Variants in PDE1A observed in about 807,000 individuals in gnomAD.
PDE1A encodes the protein dual specificity calcium/calmodulin-dependent 3',5'-cyclic nucleotide phosphodiesterase 1A.
Under a neutral mutation model 61.7 loss-of-function variants are expected in PDE1A, and 35 were observed. The ratio of observed to expected loss-of-function variants is 0.57; its 90% CI spans 0.43 to 0.75. The LOEUF (loss-of-function observed/expected upper bound fraction) is 0.75, where lower values mean the gene tolerates loss of function less well. PDE1A is among the 30% of genes least tolerant of loss of function. PDE1A has a pLI of 0.00. For missense variants in PDE1A, 597 were observed against 630.6 expected, an observed-to-expected ratio of 0.95 and a Z score of 0.57; for synonymous variants, 232 against 213.2, an observed-to-expected ratio of 1.09 and a Z score of -0.77.
intron 2 of PDE1A, among the ~76,000 whole-genome samples, chr2:182,513,750 A>G (rs537471641): frequency 3.3e-5 from 5 of 152,368 alleles, no homozygotes; most frequent in Admixed American, 2.6e-4. Flanking sequence ...GGGATGGAGT[A>G]AGATCTATCA....
At chr2:182,522,299 T>G (rs777709697) in exon 2 of PDE1A, 2 of 1,613,536 alleles carry the variant, frequency 1.2e-6, no homozygotes, top group Non-Finnish European at 1.7e-6. Flanking sequence ...GCTGCCACAT[T>G]TTTTCAGTCT....
At chr2:182,648,682 A>C in the PDE1A span, among the ~76,000 whole-genome samples, 1 of 150,612 alleles carries the variant, frequency 6.6e-6, no homozygotes. Flanking sequence ...CCTGGGTGGC[A>C]GAGCAAGACC....
chr2:182,556,097 G>A, the PDE1A span, among the ~76,000 whole-genome samples: 1 of 151,468 alleles, frequency 6.6e-6, no homozygotes, highest in Non-Finnish European at 1.5e-5. Context: ...AAAACTCATT[G>A]GAAGACAATC....
At chr2:182,472,188 C>T (rs1574740929) in intron 2 of PDE1A, among the ~76,000 whole-genome samples, 2 of 151,832 alleles carry the variant, frequency 1.3e-5, no homozygotes, top group East Asian at 3.9e-4. Flanking sequence ...CCATATGATT[C>T]AGCAGTCTCA....
the PDE1A span, among the ~76,000 whole-genome samples, chr2:182,664,545 T>C: frequency 5.9e-5 from 9 of 152,276 alleles, no homozygotes; most frequent in African/African-American, 2.2e-4. Flanking sequence ...TGAATACAAA[T>C]GTGATTAAAA....
intron 1 of PDE1A, among the ~76,000 whole-genome samples, chr2:182,380,121 T>TG (rs1700641792): frequency 6.8e-6 from 1 of 146,140 alleles, no homozygotes; most frequent in African/African-American, 2.5e-5. Context: ...TTTTTTTTTT[T>TG]TTTTTTTGAG....
At chr2:182,240,034 T>C (rs1164113173) in intron 3 of PDE1A, 76 bp downstream of exon 3, 3 of 1,322,776 alleles carry the variant, frequency 2.3e-6, no homozygotes, top group Admixed American at 3.6e-5. Context: ...TATAGACTGC[T>C]CATACCCTTG....
chr2:182,242,836 T>C lies in PDE1A; in HGVS notation c.168-2544A>G, dbSNP rs117207158. Among the ~76,000 whole-genome samples, 179 of 151,472 alleles carry C rather than the reference T, an allele frequency of 1.2e-3. 2 individuals are homozygous for C. In the East Asian group the frequency reaches 0.034, roughly 29 times the overall value. ...CAGCACCAATAATCACATGAGCCCA[T>C]TCCTTAAAATACGTATCTCGCTCTC... On this transcript the variant is annotated intron_variant, in intron 2 of 13. Transcript: ENST00000351439.
rs189996256 is a variant in PDE1A at position 182,386,344 on chromosome 2, C to T, written c.53+40234G>A. Among the ~76,000 whole-genome samples, 1,199 of 150,804 alleles carry T rather than the reference C, an allele frequency of 8.0e-3. 7 individuals carry two copies. Among genetic ancestry groups the T allele is most frequent in the South Asian group, 0.019 (89 of 4,728 alleles). On this transcript the variant is annotated intron_variant, in intron 1 of 13. Transcript: ENST00000351439. ...TGAGGATCCCCTCTGCCCGGCTGCC[C>T]AGTCTGGGAAGTGAGGAGCGCCTCT...
intron 1 of PDE1A, among the ~76,000 whole-genome samples, chr2:182,373,856 A>T (rs1039225354): frequency 2.6e-5 from 4 of 152,226 alleles, no homozygotes; most frequent in Non-Finnish European, 5.9e-5. Context: ...AAATGTTATT[A>T]ATATCACAGG....
At chr2:182,490,987 G>C (rs1688354153) in intron 2 of PDE1A, among the ~76,000 whole-genome samples, 1 of 152,098 alleles carries the variant, frequency 6.6e-6, no homozygotes. Flanking sequence ...AAGCATCTGA[G>C]GTTTGAGGAG....
chr2:182,372,390 C>T (rs144820261), intron 1 of PDE1A, among the ~76,000 whole-genome samples: 1 of 152,000 alleles, frequency 6.6e-6, no homozygotes, highest in Admixed American at 6.5e-5. Context: ...TAATTGTGAT[C>T]ATTTTATCTA....
rs548549039 is a variant in PDE1A, at chr2:182,193,216, G to A, written c.1126-4156C>T. ...TTGGCCAGGTTGGTCTCGAACTCCT[G>A]ACCTTGTGATCCGTCTGCTCCAGCC... On this transcript the variant is annotated intron_variant, in intron 10 of 13. Transcript: ENST00000351439. Among the ~76,000 whole-genome samples, 6 of 152,170 alleles carry A rather than the reference G, an allele frequency of 3.9e-5. No homozygotes were observed. The East Asian group carries it at 1.2e-3, about 29-fold the overall frequency.
chr2:182,213,046 C>T (rs1164589418), intron 7 of PDE1A, among the ~76,000 whole-genome samples: 2 of 149,948 alleles, frequency 1.3e-5, no homozygotes, highest in African/African-American at 4.9e-5. Flanking sequence ...AGCAGTGGTT[C>T]TCCCAGCATG....
the PDE1A span, among the ~76,000 whole-genome samples, chr2:182,695,730 A>G: frequency 4.6e-5 from 7 of 151,996 alleles, no homozygotes; most frequent in African/African-American, 2.4e-5. Flanking sequence ...ATAAGCCACA[A>G]CTGGGAGGAA....
intron 2 of PDE1A, among the ~76,000 whole-genome samples, chr2:182,449,839 A>G (rs1362281246): frequency 1.3e-5 from 2 of 152,012 alleles, no homozygotes; most frequent in African/African-American, 2.4e-5. Flanking sequence ...AATAATAACT[A>G]CTACATAGGG....
chr2:182,618,375 TATA>T, the PDE1A span, among the ~76,000 whole-genome samples: 1 of 152,172 alleles, frequency 6.6e-6, no homozygotes, highest in Admixed American at 6.5e-5. Context: ...ATAGAGAAAT[TATA>T]ATAGCAAGAA....
At chr2:182,710,756 T>A in the PDE1A span, among the ~76,000 whole-genome samples, 2 of 152,248 alleles carry the variant, frequency 1.3e-5, no homozygotes, top group African/African-American at 4.8e-5. Context: ...TATTCATCTG[T>A]CAATGGATAC....
chr2:182,700,258 G>T, the PDE1A span, among the ~76,000 whole-genome samples: 2 of 152,122 alleles, frequency 1.3e-5, no homozygotes, highest in Non-Finnish European at 2.9e-5. Flanking sequence ...CAGCAAATTT[G>T]TTCTAAAATT....
Sources: gnomAD v4.1 joint callset for allele counts (sites outside exome capture counted in the v4.1 genomes callset) on GRCh38, gnomAD v4.1.1 for gene constraint, MANE v1.5 for transcripts, NCBI Gene and HGNC (gene_info 2026-07-23, HGNC 2026-07-21) for gene names.